The following FSTL5 variants were observed in gnomAD, a reference collection of about 807,000 sequenced individuals.
FSTL5 encodes the protein follistatin-related protein 5.
In FSTL5, 62 loss-of-function variants were observed where a neutral mutation model predicts 89.1. The ratio of observed to expected loss-of-function variants is 0.70; its 90% CI spans 0.57 to 0.86. The LOEUF is 0.86. Among genes scored for constraint, FSTL5 ranks in the 40% least tolerant of loss-of-function variants. FSTL5 has a pLI of 0.00. For missense variants in FSTL5, 1,057 were observed against 1,001.6 expected, an observed-to-expected ratio of 1.06 and a Z score of -0.75; for synonymous variants, 383 against 346.2, an observed-to-expected ratio of 1.11 and a Z score of -1.18.
At chr4:161,912,682 G>C (rs1039842660) in intron 4 of FSTL5, among the ~76,000 whole-genome samples, 1 of 152,156 alleles carries the variant, frequency 6.6e-6, no homozygotes, top group Non-Finnish European at 1.5e-5. Context: ...CAGTAGAGTA[G>C]TGCATGGCTG....
rs1223639897 is a variant in FSTL5 at position 161,699,302 on chromosome 4, T to G, written c.728-42808A>C. 3.3e-5 allele frequency among the ~76,000 whole-genome samples: 5 copies of G among 152,340 alleles called. No individual in the cohort carries two copies. The East Asian group carries it at 9.7e-4, about 29-fold the overall frequency. On this transcript the variant is annotated intron_variant, in intron 6 of 15. Coordinates refer to ENST00000306100, the MANE Select transcript of FSTL5 (RefSeq NM_020116.5). ...ATGATGTATACATAAAAAGATTTCA[T>G]GCAAATGGCTATAGAAATATTTTCA... is the stretch of plus-strand genomic sequence containing the variant.
chr4:161,851,375 T>C (rs964102282), intron 4 of FSTL5, among the ~76,000 whole-genome samples: 1 of 152,186 alleles, frequency 6.6e-6, no homozygotes, highest in Admixed American at 6.5e-5. Flanking sequence ...TAGAATAATC[T>C]GTTTAGTTGT....
intron 4 of FSTL5, among the ~76,000 whole-genome samples, chr4:161,919,166 G>A (rs1458489837): frequency 6.6e-6 from 1 of 151,862 alleles, no homozygotes; most frequent in Non-Finnish European, 1.5e-5. Context: ...AATATTATTT[G>A]TAAAATAGAT....
intron 7 of FSTL5, among the ~76,000 whole-genome samples, chr4:161,652,435 GACAA>G (rs1736374106): frequency 6.6e-6 from 1 of 152,026 alleles, no homozygotes; most frequent in South Asian, 2.1e-4. Flanking sequence ...CCATCTATAG[GACAA>G]ACAAACAAGC....
chr4:161,548,237 A>G (rs961650108), intron 8 of FSTL5, among the ~76,000 whole-genome samples: 1 of 151,926 alleles, frequency 6.6e-6, no homozygotes, highest in Non-Finnish European at 1.5e-5. Flanking sequence ...TTAATTAGTC[A>G]TATATTGATT....
chr4:161,442,988 A>G (rs1355736474), intron 15 of FSTL5, among the ~76,000 whole-genome samples: 1 of 151,882 alleles, frequency 6.6e-6, no homozygotes, highest in Non-Finnish European at 1.5e-5. Context: ...ATCATAACTT[A>G]TTTTTTTCTT....
rs191081000 is a variant in FSTL5, at chr4:161,535,399, A to C, written c.1312+2767T>G. Among the ~76,000 whole-genome samples, 10 of 152,234 alleles carry C rather than the reference A, an allele frequency of 6.6e-5. No homozygotes were observed. The East Asian group carries it at 1.9e-3, about 29-fold the overall frequency. ...TCAATAAGCAAAAATCAAATAATCC[A>C]ATTTAAAAATGGGAAAAGCATAAGA... On this transcript the variant is annotated intron_variant, in intron 10 of 15. Transcript: ENST00000306100.
rs368496750 is a variant in FSTL5, at chr4:161,785,119, C to A, written c.410-9045G>T. 5.9e-5 allele frequency among the ~76,000 whole-genome samples: 9 copies of A among 152,214 alleles called. No homozygotes were observed. The East Asian group carries it at 7.7e-4, about 13-fold the overall frequency. ...AACACAATAGACCCAATAATAGACT[C>A]AACATTCGACTTTACGTGAAGATCT... is the stretch of plus-strand genomic sequence containing the variant. On this transcript the variant is annotated intron_variant, in intron 4 of 15. Transcript: ENST00000306100.
intron 7 of FSTL5, among the ~76,000 whole-genome samples, 187 bp from the exon 8 acceptor site, chr4:161,587,762 GT>G (rs1190457988): frequency 6.6e-6 from 1 of 152,096 alleles, no homozygotes; most frequent in Non-Finnish European, 1.5e-5. Context: ...AATATGTTTT[GT>G]TTAAAAAGCA....
At chr4:161,833,152 C>A (rs1303134584) in intron 4 of FSTL5, among the ~76,000 whole-genome samples, 1 of 151,608 alleles carries the variant, frequency 6.6e-6, no homozygotes, top group Non-Finnish European at 1.5e-5. Flanking sequence ...AGTAGTCATT[C>A]AGGAGCAGGT....
chr4:161,641,246 G>A, intron 7 of FSTL5, among the ~76,000 whole-genome samples: 1 of 152,140 alleles, frequency 6.6e-6, no homozygotes, highest in East Asian at 1.9e-4. Flanking sequence ...GGACATTGTA[G>A]CTCCACTTTT....
At chr4:161,780,393 A>C (rs1006390590) in intron 4 of FSTL5, among the ~76,000 whole-genome samples, 4 of 152,154 alleles carry the variant, frequency 2.6e-5, no homozygotes, top group African/African-American at 9.7e-5. Flanking sequence ...ATTGACAGGC[A>C]GAGTGAGATT....
chr4:161,789,800 T>C (rs1217524833), intron 4 of FSTL5, among the ~76,000 whole-genome samples: 6 of 152,166 alleles, frequency 3.9e-5, no homozygotes. Context: ...ATATGATATA[T>C]AGGTAAATGT....
chr4:161,459,491 A>G (rs1733485751), intron 13 of FSTL5, among the ~76,000 whole-genome samples, 172 bp from the exon 14 acceptor site: 1 of 152,098 alleles, frequency 6.6e-6, no homozygotes, highest in South Asian at 2.1e-4. Flanking sequence ...TTACTCATGT[A>G]TATTCATATA....
At chr4:161,644,908 T>G (rs1238654523) in intron 7 of FSTL5, among the ~76,000 whole-genome samples, 1 of 152,172 alleles carries the variant, frequency 6.6e-6, no homozygotes, top group Non-Finnish European at 1.5e-5. Context: ...ATGAAAAAGT[T>G]AAATTCACAA....
At chr4:162,017,360 AT>A (rs1736943820) in intron 3 of FSTL5, among the ~76,000 whole-genome samples, 1 of 152,172 alleles carries the variant, frequency 6.6e-6, no homozygotes. Flanking sequence ...GAGCCCTAAA[AT>A]AAAAGTAAAT....
intron 3 of FSTL5, chr4:162,032,793 T>C (rs1159415808): frequency 6.6e-6 from 1 of 152,186 alleles, no homozygotes; most frequent in East Asian, 1.9e-4. Flanking sequence ...TTTTAATTTT[T>C]GTAGAACACT....
chr4:161,980,713 A>T (rs1007136808), intron 3 of FSTL5, among the ~76,000 whole-genome samples: 1 of 151,686 alleles, frequency 6.6e-6, no homozygotes. Flanking sequence ...ATAGGGAAAC[A>T]TAAAAGAAAT....
At chr4:161,994,624 A>C (rs1321173686) in intron 3 of FSTL5, among the ~76,000 whole-genome samples, 2 of 152,212 alleles carry the variant, frequency 1.3e-5, no homozygotes, top group East Asian at 1.9e-4. Flanking sequence ...CATTTCTCTA[A>C]TAATCAGTGA....
Sources: gnomAD v4.1 joint callset for allele counts (sites outside exome capture counted in the v4.1 genomes callset) on GRCh38, gnomAD v4.1.1 for gene constraint, MANE v1.5 for transcripts, NCBI Gene and HGNC (gene_info 2026-07-23, HGNC 2026-07-21) for gene names.